The following PDE3A variants were observed in gnomAD, a reference collection of about 807,000 sequenced individuals.
The protein encoded by PDE3A is cGMP-inhibited 3',5'-cyclic phosphodiesterase 3A.
Under a neutral mutation model 98.3 loss-of-function variants are expected in PDE3A, and 43 were observed. The observed-to-expected ratio is 0.44, with a 90% CI of 0.34 to 0.56. The LOEUF is 0.56. Among genes scored for constraint, PDE3A ranks in the 20% least tolerant of loss-of-function variants. The probability of loss-of-function intolerance (pLI) is 0.01; values close to 1 mark genes in which losing one functional copy is unlikely to be tolerated. For missense variants in PDE3A, 1,427 were observed against 1,440.7 expected (o/e 0.99, Z 0.15); for synonymous variants, 663 against 567.9 (o/e 1.17, Z -2.38).
At chr12:20,438,560 G>T (rs1944816136) in intron 1 of PDE3A, among the ~76,000 whole-genome samples, 1 of 152,182 alleles carries the variant, frequency 6.6e-6, no homozygotes, top group African/African-American at 2.4e-5. Context: ...GGCACATACT[G>T]TGAAGTAGAA....
chr12:20,380,940 CAAG>C (rs975080582), intron 1 of PDE3A, among the ~76,000 whole-genome samples: 1 of 151,804 alleles, frequency 6.6e-6, no homozygotes, highest in African/African-American at 2.4e-5. Context: ...CATTTTGAGA[CAAG>C]GAGCTAACTG....
At chr12:20,452,760 A>G (rs1333923908) in intron 1 of PDE3A, among the ~76,000 whole-genome samples, 1 of 152,154 alleles carries the variant, frequency 6.6e-6, no homozygotes, top group Non-Finnish European at 1.5e-5. Context: ...TTTGACTTGA[A>G]CTTAATGATA....
intron 1 of PDE3A, among the ~76,000 whole-genome samples, chr12:20,476,734 G>A (rs1243246538): frequency 6.6e-6 from 1 of 152,130 alleles, no homozygotes; most frequent in Non-Finnish European, 1.5e-5. Context: ...TCAAACCAAC[G>A]CCTGGGGTTT....
At chr12:20,443,286 T>C (rs771390393) in intron 1 of PDE3A, among the ~76,000 whole-genome samples, 8 of 152,176 alleles carry the variant, frequency 5.3e-5, no homozygotes, top group Non-Finnish European at 1.0e-4. Context: ...CTATGGATAT[T>C]GATAAACTGT....
At chr12:20,543,912 G>C (rs1475491420) in intron 1 of PDE3A, among the ~76,000 whole-genome samples, 1 of 151,820 alleles carries the variant, frequency 6.6e-6, no homozygotes, top group Non-Finnish European at 1.5e-5. Flanking sequence ...GCTATTATTA[G>C]CTAAGTCATG....
At chr12:20,568,276 T>G (rs1001854731) in intron 2 of PDE3A, among the ~76,000 whole-genome samples, 4 of 151,966 alleles carry the variant, frequency 2.6e-5, no homozygotes, top group African/African-American at 9.7e-5. Context: ...TTAAGTTCCT[T>G]TATAAGTAAG....
At chr12:20,628,136 T>G (rs931737178) in intron 5 of PDE3A, among the ~76,000 whole-genome samples, 1 of 152,192 alleles carries the variant, frequency 6.6e-6, no homozygotes, top group African/African-American at 2.4e-5. Flanking sequence ...ATATTAAAAA[T>G]TGAGTTTTTT....
At chr12:20,512,415 A>G (rs780703507) in intron 1 of PDE3A, among the ~76,000 whole-genome samples, 2 of 152,130 alleles carry the variant, frequency 1.3e-5, no homozygotes, top group Non-Finnish European at 2.9e-5. Context: ...AGAGATGAAG[A>G]CAAATCCGAT....
intron 1 of PDE3A, among the ~76,000 whole-genome samples, chr12:20,401,672 C>G (rs915697147): frequency 6.6e-6 from 1 of 152,140 alleles, no homozygotes; most frequent in Non-Finnish European, 1.5e-5. Flanking sequence ...TGATCATCCC[C>G]GTTGGAAGCT....
At chr12:20,536,691 A>T (rs1280038629) in intron 1 of PDE3A, among the ~76,000 whole-genome samples, 1 of 152,108 alleles carries the variant, frequency 6.6e-6, no homozygotes, top group Non-Finnish European at 1.5e-5. Context: ...TTGAAGGTTT[A>T]TCCATGGTGA....
chr12:20,447,689 A>G (rs1419760220), intron 1 of PDE3A, among the ~76,000 whole-genome samples: 1 of 152,188 alleles, frequency 6.6e-6, no homozygotes, highest in Non-Finnish European at 1.5e-5. Flanking sequence ...TATGCTTTGT[A>G]ATTTTTTTAT....
intron 12 of PDE3A, among the ~76,000 whole-genome samples, chr12:20,648,179 C>T (rs1944821425): frequency 6.6e-6 from 1 of 151,226 alleles, no homozygotes; most frequent in South Asian, 2.1e-4. Context: ...TTCCATTCAT[C>T]TTTAATAGCT....
intron 1 of PDE3A, among the ~76,000 whole-genome samples, chr12:20,480,498 T>C (rs1473633994): frequency 1.3e-5 from 2 of 152,208 alleles, no homozygotes; most frequent in African/African-American, 2.4e-5. Context: ...TTTCTAAAAA[T>C]GTTATTTCTC....
intron 1 of PDE3A, among the ~76,000 whole-genome samples, chr12:20,539,630 TTGGATGAATGGATAGA>T (rs1353929132): frequency 6.6e-6 from 1 of 152,014 alleles, no homozygotes; most frequent in Non-Finnish European, 1.5e-5. Flanking sequence ...AACGTTTGTG[TTGGATGAATGGATAGA>T]TGGATGGATG....
rs3059415 is a variant in PDE3A at position 20,680,826 on chromosome 12, CTGTGTGTGTGTGTGTGTGTGTG to C, written c.*578_*599del. 23 of 137,950 alleles carry C rather than the reference CTGTGTGTGTGTGTGTGTGTGTG, an allele frequency of 1.7e-4. No individual in the cohort carries two copies. Among genetic ancestry groups the C allele is most frequent in the Non-Finnish European group, 2.3e-4 (15 of 65,028 alleles). 8.5% of individuals were successfully genotyped at this position (137,950 alleles called of 1,614,324 possible). On this transcript the variant is annotated 3_prime_UTR_variant, in exon 16 of 16. Coordinates refer to ENST00000359062, the MANE Select transcript of PDE3A (RefSeq NM_000921.5). ...TGAATTCTGATACATCCTGCCAACA[CTGTGTGTGTGTGTGTGTGTGTG>C]TGTGTGTGTGTGTGTGTGTGTGAAA... is the stretch of plus-strand genomic sequence containing the variant.
chr12:20,655,836 C>T (rs1295244613), intron 15 of PDE3A, among the ~76,000 whole-genome samples: 1 of 152,128 alleles, frequency 6.6e-6, no homozygotes, highest in East Asian at 1.9e-4. Context: ...ATAGGGCGGT[C>T]AGTTAGGAGA....
intron 1 of PDE3A, among the ~76,000 whole-genome samples, chr12:20,448,737 A>G (rs10770661): frequency 0.27 from 39,689 of 145,774 alleles, 6,746 homozygotes; most frequent in East Asian, 0.66. Context: ...CATTATTTAA[A>G]GTTTTTATTT....
intron 2 of PDE3A, chr12:20,572,099 T>G: frequency 7.9e-7 from 1 of 1,258,004 alleles, no homozygotes; most frequent in Non-Finnish European, 1.0e-6. Context: ...AATCTGAACT[T>G]TAAAGAACAT....
intron 2 of PDE3A, among the ~76,000 whole-genome samples, chr12:20,582,979 T>C (rs1258234868): frequency 1.3e-5 from 2 of 152,188 alleles, no homozygotes; most frequent in African/African-American, 4.8e-5. Context: ...AGGAACAATT[T>C]AAAAATTACA....
Sources: allele counts gnomAD v4.1 joint callset (sites outside exome capture counted in the v4.1 genomes callset), GRCh38; gene constraint gnomAD v4.1.1; transcripts MANE v1.5; gene names NCBI Gene and HGNC (gene_info 2026-07-23, HGNC 2026-07-21).